APBA1: variants seen among roughly 807,000 people sequenced by gnomAD.
The protein encoded by APBA1 is amyloid-beta A4 precursor protein-binding family A member 1.
A neutral mutation model predicts 86.6 loss-of-function variants in APBA1; 55 were observed. The observed-to-expected ratio is 0.64, with a 90% confidence interval of 0.51 to 0.80. The LOEUF (loss-of-function observed/expected upper bound fraction) is 0.80. Among genes scored for constraint, APBA1 ranks in the 30% least tolerant of loss-of-function variants. The pLI is 0.00. For missense variants in APBA1, 1,090 were observed against 1,183.0 expected, an observed-to-expected ratio of 0.92 and a Z score of 1.15; for synonymous variants, 511 against 493.9, an observed-to-expected ratio of 1.03 and a Z score of -0.46.
At chr9:69,601,927 A>G (rs1049409503) in intron 1 of APBA1, among the ~76,000 whole-genome samples, 3 of 152,110 alleles carry the variant, frequency 2.0e-5, no homozygotes, top group Non-Finnish European at 4.4e-5. Flanking sequence ...AACTTCCTAA[A>G]CTCAAAGATT....
chr9:69,578,930 T>C (rs1821860188), intron 1 of APBA1, among the ~76,000 whole-genome samples: 1 of 152,206 alleles, frequency 6.6e-6, no homozygotes, highest in Non-Finnish European at 1.5e-5. Flanking sequence ...GTTGAACAGA[T>C]GGATAAGAAA....
chr9:69,663,583 T>C (rs1823791712), intron 1 of APBA1, among the ~76,000 whole-genome samples: 1 of 152,224 alleles, frequency 6.6e-6, no homozygotes, highest in South Asian at 2.1e-4. Flanking sequence ...AAATGCAGAA[T>C]TGATCTCGAG....
chr9:69,653,325 C>A (rs775701471), intron 1 of APBA1, among the ~76,000 whole-genome samples: 1 of 152,072 alleles, frequency 6.6e-6, no homozygotes, highest in Non-Finnish European at 1.5e-5. Flanking sequence ...TATTCATAGA[C>A]CTAAAGGGAG....
At chr9:69,541,547 A>ATTTTTTTTTTTTTTTTT (rs11461593) in intron 1 of APBA1, among the ~76,000 whole-genome samples, 1 of 142,102 alleles carries the variant, frequency 7.0e-6, no homozygotes, top group Non-Finnish European at 1.5e-5. Flanking sequence ...TCTTTTTTGC[A>ATTTTTTTTTTTTTTTTT]TTTTTTTTTT....
intron 1 of APBA1, among the ~76,000 whole-genome samples, chr9:69,598,035 A>G (rs1822266743): frequency 6.6e-6 from 1 of 151,980 alleles, no homozygotes; most frequent in Middle Eastern, 3.4e-3. Context: ...GAACCAACCC[A>G]AATGTCCAAC....
intron 1 of APBA1, among the ~76,000 whole-genome samples, chr9:69,582,110 CAATT>C (rs2133957402): frequency 6.6e-6 from 1 of 152,266 alleles, no homozygotes; most frequent in South Asian, 2.1e-4. Context: ...ACACAATTTA[CAATT>C]ATTTACTTCT....
rs997028406 is a variant in APBA1, at chr9:69,430,737, A to G, written c.*590T>C. On this transcript the variant is annotated 3_prime_UTR_variant, in exon 13 of 13. Transcript: ENST00000265381. ...CCTGGGGTGAGAAGGCTCGTATTAGAAAACACACATACGTTGAAATTAGAA... is the reference window on the plus strand; with the variant it reads ...CCTGGGGTGAGAAGGCTCGTATTAGGAAACACACATACGTTGAAATTAGAA... 1 of 152,564 alleles carries G rather than the reference A, an allele frequency of 6.6e-6. No individual in the cohort carries two copies. Among genetic ancestry groups the G allele is most frequent in the African/African-American group, 2.4e-5 (1 of 41,430 alleles). 9.5% of individuals were successfully genotyped at this position (152,564 alleles called of 1,614,324 possible). A position where few individuals can be genotyped will look rare whatever the true frequency, so the allele number is the denominator to read the frequency against.
At chr9:69,514,412 G>A (rs1836100178) in intron 2 of APBA1, among the ~76,000 whole-genome samples, 1 of 152,102 alleles carries the variant, frequency 6.6e-6, no homozygotes, top group Non-Finnish European at 1.5e-5. Flanking sequence ...CCAACATGGT[G>A]AAACCCCACT....
chr9:69,536,453 A>G (rs1471146958), intron 1 of APBA1, among the ~76,000 whole-genome samples: 2 of 151,890 alleles, frequency 1.3e-5, no homozygotes, highest in African/African-American at 4.8e-5. Flanking sequence ...CGTTGAAGCA[A>G]ATGTCAGAAA....
At chr9:69,466,084 CTG>C (rs751230812) in intron 5 of APBA1, among the ~76,000 whole-genome samples, 1 of 152,174 alleles carries the variant, frequency 6.6e-6, no homozygotes, top group Non-Finnish European at 1.5e-5. Flanking sequence ...ATGGGCTTTA[CTG>C]TCCTAGGAGG....
At chr9:69,598,470 C>A (rs1822278811) in intron 1 of APBA1, among the ~76,000 whole-genome samples, 5 of 151,632 alleles carry the variant, frequency 3.3e-5, no homozygotes, top group Admixed American at 3.3e-4. Flanking sequence ...AAAGAGAAAT[C>A]TACTTGACAC....
intron 1 of APBA1, among the ~76,000 whole-genome samples, chr9:69,665,824 C>T (rs1010122809): frequency 1.3e-5 from 2 of 152,266 alleles, no homozygotes; most frequent in South Asian, 4.1e-4. Flanking sequence ...CAACCTCTGC[C>T]TCCCAGGTTC....
At chr9:69,455,214 G>C (rs1835075426) in intron 8 of APBA1, among the ~76,000 whole-genome samples, 1 of 152,126 alleles carries the variant, frequency 6.6e-6, no homozygotes, top group Non-Finnish European at 1.5e-5. Context: ...CCCAGATCAG[G>C]ACTCCGTGCT....
intron 1 of APBA1, among the ~76,000 whole-genome samples, chr9:69,538,052 G>C (rs907449161): frequency 1.3e-5 from 2 of 149,496 alleles, no homozygotes; most frequent in East Asian, 3.9e-4. Flanking sequence ...AAAAAGGCTG[G>C]AGCCTTGAAA....
intron 1 of APBA1, among the ~76,000 whole-genome samples, chr9:69,575,448 T>C (rs1821774815): frequency 6.6e-6 from 1 of 152,148 alleles, no homozygotes; most frequent in South Asian, 2.1e-4. Context: ...GCTACCTGAC[T>C]TCAAACTATA....
intron 1 of APBA1, among the ~76,000 whole-genome samples, chr9:69,601,843 G>C (rs140347937): frequency 1.7e-3 from 264 of 152,280 alleles, no homozygotes; most frequent in Middle Eastern, 0.01. Context: ...TTCCCGAAGA[G>C]AGTCTACTAC....
intron 1 of APBA1, among the ~76,000 whole-genome samples, chr9:69,610,521 A>G (rs1564091489): frequency 6.6e-6 from 1 of 152,082 alleles, no homozygotes; most frequent in East Asian, 1.9e-4. Flanking sequence ...CTGAGTTAAA[A>G]TTTTTATGGG....
chr9:69,628,045 C>T (rs1180813862), intron 1 of APBA1, among the ~76,000 whole-genome samples: 1 of 152,076 alleles, frequency 6.6e-6, no homozygotes, highest in Non-Finnish European at 1.5e-5. Context: ...TGGGAAGTCA[C>T]CCCCATAACT....
intron 11 of APBA1, among the ~76,000 whole-genome samples, chr9:69,434,528 G>A (rs1834663863): frequency 6.6e-6 from 1 of 152,070 alleles, no homozygotes. Flanking sequence ...CCAGTATGGT[G>A]AAACCATGCC....
Sources: allele counts gnomAD v4.1 joint callset (sites outside exome capture counted in the v4.1 genomes callset), GRCh38; gene constraint gnomAD v4.1.1; transcripts MANE v1.5; gene names NCBI Gene and HGNC (gene_info 2026-07-23, HGNC 2026-07-21).